The following BDP1 variants were observed in gnomAD, a reference collection of about 807,000 sequenced individuals.
BDP1 encodes the protein transcription factor TFIIIB component B'' homolog.
In BDP1, 169 loss-of-function variants were observed where a neutral mutation model predicts 266.6. The ratio of observed to expected loss-of-function variants is 0.63; its 90% CI spans 0.56 to 0.72. The LOEUF is 0.72. Ranked by LOEUF, BDP1 falls within the 30% of genes least tolerant of loss-of-function variation. The pLI, the probability that BDP1 is intolerant of heterozygous loss-of-function variation, is 0.00. For missense variants in BDP1, 3,015 were observed against 3,053.8 expected, an observed-to-expected ratio of 0.99 and a Z score of 0.30; for synonymous variants, 1,090 against 1,022.4, an observed-to-expected ratio of 1.07 and a Z score of -1.26.
In BDP1 at chr5:71,522,730, C is replaced by G. The variant is rs895584277; in HGVS notation, c.5194-26C>G. The G allele has an allele frequency of 3.2e-6, 5 of 1,564,944 alleles. No homozygotes were observed. The Admixed American group carries it at 6.1e-5, about 19-fold the overall frequency. On this transcript the variant is annotated intron_variant, in intron 23 of 38. Transcript: ENST00000358731. The stretch of plus-strand genomic sequence containing the variant: ...CATAGAGATTGTTTCTGTAGTAATA[C>G]TAGCTAATTTCTTCTTAAATTTAAG...
chr5:71,526,570 C>T (rs1388578539), intron 25 of BDP1, among the ~76,000 whole-genome samples: 7 of 129,624 alleles, frequency 5.4e-5, no homozygotes, highest in Admixed American at 1.7e-4. Context: ...GAGCTGAGAT[C>T]GTGCCACTGC....
chr5:71,553,168 TC>T lies in BDP1; in HGVS notation c.7049del (p.Ser2350LeufsTer41). 2.5e-6 allele frequency: 4 copies of T among 1,613,266 alleles called. No individual in the cohort carries two copies. Among genetic ancestry groups the T allele is most frequent in the Non-Finnish European group, 3.4e-6 (4 of 1,179,916 alleles). Reference protein sequence around the residue: ...VGQDAMGLSISGRDNSKKPPD... With the variant: ...VGQDAMGLSIXGRDNSKKPPD... Reference sequence around the variant, plus strand: ...TCAAGATGCCATGGGTTTATCTATTTCTGGAAGAGATAATTCTAAAAAGCCG... The same window carrying T: ...TCAAGATGCCATGGGTTTATCTATTTTGGAAGAGATAATTCTAAAAAGCCG... On this transcript the variant is annotated frameshift_variant, in exon 35 of 39. Transcript: ENST00000358731. LOFTEE classifies it high-confidence loss of function.
chr5:71,509,165 A>G (rs1323209127), intron 16 of BDP1, among the ~76,000 whole-genome samples: 1 of 152,178 alleles, frequency 6.6e-6, no homozygotes, highest in Non-Finnish European at 1.5e-5. Context: ...AGTCTTTCCC[A>G]GTCAGTATTT....
intron 15 of BDP1, among the ~76,000 whole-genome samples, chr5:71,503,995 A>G (rs1764416506): frequency 6.6e-6 from 1 of 151,786 alleles, no homozygotes; most frequent in African/African-American, 2.4e-5. Flanking sequence ...AATTCTGACC[A>G]GGCGCAGTGG....
intron 4 of BDP1, 88 bp from the exon 5 acceptor site, chr5:71,466,008 T>G: frequency 1.5e-6 from 2 of 1,374,714 alleles, no homozygotes; most frequent in Non-Finnish European, 2.0e-6. Flanking sequence ...GCTAGAAGGT[T>G]GAGTTTGTAA....
At chr5:71,514,478 C>G (rs1172913881) in intron 19 of BDP1, among the ~76,000 whole-genome samples, 1 of 152,080 alleles carries the variant, frequency 6.6e-6, no homozygotes, top group South Asian at 2.1e-4. Context: ...TTTCGTCTTA[C>G]AGTTATAAAA....
Position 71,510,120 on chromosome 5 carries a change from A to T in BDP1, c.3028A>T (p.Thr1010Ser), listed in dbSNP as rs761930217. 6.2e-7 allele frequency: 1 copy of T among 1,613,964 alleles called. No individual in the cohort carries two copies. The highest frequency in any genetic ancestry group is 1.7e-5 in the Admixed American group (1 of 59,998). The change falls in exon 17 of 39, where the codon ACA becomes TCA. Residue 1010 changes from threonine to serine, a missense_variant. Coordinates refer to ENST00000358731, the MANE Select transcript of BDP1 (RefSeq NM_018429.3). Reference protein sequence around the residue: ...EEVKPVDEMETDLNATGRESS... With the variant: ...EEVKPVDEMESDLNATGRESS... ...GGTCAAGCCTGTAGATGAAATGGAG[A>T]CAGATTTGAACGCAACTGGAAGAGA...
intron 4 of BDP1, among the ~76,000 whole-genome samples, chr5:71,464,734 T>TTA (rs1561668380): frequency 6.9e-6 from 1 of 144,552 alleles, no homozygotes. Context: ...TTTTTTTTTT[T>TTA]TTTGAGATGG....
intron 38 of BDP1, 120 bp from the exon 39 acceptor site, chr5:71,564,634 T>A: frequency 2.4e-6 from 2 of 850,588 alleles, no homozygotes; most frequent in Non-Finnish European, 1.7e-6. Flanking sequence ...GCTCAATATT[T>A]ATTGCCACGT....
chr5:71,558,237 A>G (rs1389554401), intron 36 of BDP1, among the ~76,000 whole-genome samples: 1 of 147,916 alleles, frequency 6.8e-6, no homozygotes, highest in Non-Finnish European at 1.5e-5. Context: ...CTGGTTCTTT[A>G]AAAACACTTA....
chr5:71,552,593 G>A (rs541252307), intron 34 of BDP1, among the ~76,000 whole-genome samples: 13 of 152,384 alleles, frequency 8.5e-5, no homozygotes, highest in African/African-American at 1.9e-4. Flanking sequence ...CGAGGCCGGC[G>A]GATCACTCGC....
chr5:71,461,801 G>A lies in BDP1; in HGVS notation c.490-16G>A. ...TTAATATTTATAAAAGTGGATCTGT[G>A]TGTTTATGTATACAGAAACAATGGA... is the stretch of plus-strand genomic sequence containing the variant. On this transcript the variant is annotated splice_polypyrimidine_tract_variant and intron_variant, in intron 2 of 38. Coordinates refer to ENST00000358731, the MANE Select transcript of BDP1 (RefSeq NM_018429.3). 1.5e-6 allele frequency: 2 copies of A among 1,353,112 alleles called. No homozygotes were observed. Among genetic ancestry groups the A allele is most frequent in the Admixed American group, 1.9e-5 (1 of 52,528 alleles). 83.8% of individuals were successfully genotyped at this position (1,353,112 alleles called of 1,614,324 possible). A position where few individuals can be genotyped will look rare whatever the true frequency, so the allele number is the denominator to read the frequency against.
At chr5:71,555,808 A>G (rs1366470321) in intron 35 of BDP1, among the ~76,000 whole-genome samples, 1 of 151,788 alleles carries the variant, frequency 6.6e-6, no homozygotes, top group African/African-American at 2.4e-5. Context: ...AACCCATACA[A>G]TTTTCTTCTT....
At chr5:71,515,221 A>C in intron 20 of BDP1, 99 bp downstream of exon 20, 1 of 937,392 alleles carries the variant, frequency 1.1e-6, no homozygotes, top group Non-Finnish European at 1.6e-6. Flanking sequence ...TAAAAAGTGA[A>C]CATAAAGAAT....
chr5:71,515,492 A>G (rs567517881), intron 20 of BDP1, among the ~76,000 whole-genome samples: 2 of 152,152 alleles, frequency 1.3e-5, no homozygotes, highest in East Asian at 1.9e-4. Flanking sequence ...GGGATGCTCA[A>G]CTGATAAGTA....
chr5:71,522,266 A>G (rs1212019109), intron 22 of BDP1, 23 bp from the exon 23 acceptor site: 3 of 1,586,628 alleles, frequency 1.9e-6, no homozygotes, highest in Admixed American at 1.8e-5. Flanking sequence ...TTGTTCTTCA[A>G]CATGATTCAT....
intron 36 of BDP1, 44 bp from the exon 37 acceptor site, chr5:71,559,938 T>C: frequency 6.3e-7 from 1 of 1,598,398 alleles, no homozygotes. Flanking sequence ...ATGGAGTGTA[T>C]TAACTTCAGT....
Position 71,515,066 on chromosome 5 carries a change from T to G in BDP1, c.4593T>G (p.Pro1531=). 3 of 1,613,160 alleles carry G rather than the reference T, an allele frequency of 1.9e-6. No individual in the cohort carries two copies. Among genetic ancestry groups the G allele is most frequent in the Non-Finnish European group, 2.5e-6 (3 of 1,179,646 alleles). The change falls in exon 20 of 39, where the codon CCT becomes CCG. Residue 1531 remains proline (P), a synonymous_variant. Coordinates refer to ENST00000358731, the MANE Select transcript of BDP1 (RefSeq NM_018429.3). The part of the protein sequence containing the change: ...RNLSPSNSCE[P]KEESQSAPVQ... The stretch of plus-strand genomic sequence containing the variant: ...TTTCACCTTCAAATTCTTGTGAACC[T>G]AAAGAGGAGTCTCAGTCAGCACCAG...
intron 7 of BDP1, among the ~76,000 whole-genome samples, chr5:71,478,312 A>G (rs1401748450): frequency 3.3e-5 from 5 of 152,178 alleles, no homozygotes; most frequent in African/African-American, 1.2e-4. Flanking sequence ...ATAGATATAT[A>G]TGAGTCTTTT....
Sources: allele counts gnomAD v4.1 joint callset (sites outside exome capture counted in the v4.1 genomes callset), GRCh38; gene constraint gnomAD v4.1.1; transcripts MANE v1.5; gene names NCBI Gene and HGNC (gene_info 2026-07-23, HGNC 2026-07-21).